The following AFF2 variants were observed in gnomAD, a reference collection of about 807,000 sequenced individuals.
AFF2 encodes AF4/FMR2 family member 2.
Under a neutral mutation model 76.9 loss-of-function variants are expected in AFF2, and 14 were observed. The ratio of observed to expected loss-of-function variants is 0.18; its 90% CI spans 0.12 to 0.28. The LOEUF (loss-of-function observed/expected upper bound fraction) is 0.28, where lower values mean the gene tolerates loss of function less well. Among genes scored for constraint, AFF2 ranks in the 10% least tolerant of loss-of-function variants. The probability of loss-of-function intolerance (pLI) is 1.00; values close to 1 mark genes in which losing one functional copy is unlikely to be tolerated. For synonymous variants in AFF2, 398 were observed against 366.7 expected, an observed-to-expected ratio of 1.09 and a Z score of -0.98; for missense variants, 868 against 1,001.1, an observed-to-expected ratio of 0.87 and a Z score of 1.79.
intron 3 of AFF2, among the ~76,000 whole-genome samples, chrX:148,745,988 C>T (rs1557266050): frequency 9.0e-6 from 1 of 111,349 alleles, no homozygotes; most frequent in Admixed American, 9.6e-5. Context: ...AGTGATCCAC[C>T]CGCCTCAGCC....
intron 7 of AFF2, among the ~76,000 whole-genome samples, chrX:148,879,934 C>G (rs1296278362): frequency 8.9e-6 from 1 of 111,909 alleles, no homozygotes; most frequent in Non-Finnish European, 1.9e-5. Flanking sequence ...TATGAAATAC[C>G]TATTTTCTGA....
At chrX:148,968,001 T>G (rs1218936283) in intron 15 of AFF2, among the ~76,000 whole-genome samples, 1 of 111,826 alleles carries the variant, frequency 8.9e-6, no homozygotes, top group African/African-American at 3.3e-5. Flanking sequence ...CTTATGAAAC[T>G]TCCCTGGAAA....
chrX:148,685,615 A>G (rs138275454), intron 3 of AFF2, among the ~76,000 whole-genome samples: 1,337 of 111,810 alleles, frequency 0.012, 23 homozygotes, highest in African/African-American at 0.042. Context: ...ATTCTTATAC[A>G]TAATAAACAA....
chrX:148,958,416 G>A lies in AFF2; in HGVS notation c.2648G>A (p.Cys883Tyr). 8.3e-7 allele frequency: 1 copy of A among 1,210,906 alleles called. No homozygotes were observed. Among genetic ancestry groups the A allele is most frequent in the Non-Finnish European group, 1.1e-6 (1 of 895,037 alleles). ...ACAACTATCTGCTTGCTCCCTCCTT[G>A]CATCTCACCAGCCCCACCCCACAAG... is the stretch of plus-strand genomic sequence containing the variant. ...EATTICLLPP[C>Y]ISPAPPHKPP... is the part of the protein sequence containing the mutation. Residue 883 changes from cysteine to tyrosine, a missense_variant, in exon 12 of 21, where the codon TGC becomes TAC. Around this residue, in one of 6 missense-constraint regions of AFF2, gnomAD observed 532 missense variants for 564.2 expected, o/e 0.94. Coordinates refer to ENST00000370460, the MANE Select transcript of AFF2 (RefSeq NM_002025.4).
chrX:148,555,111 T>C (rs1557239501), intron 1 of AFF2, among the ~76,000 whole-genome samples: 1 of 112,294 alleles, frequency 8.9e-6, no homozygotes, highest in Non-Finnish European at 1.9e-5. Context: ...GGATCGCTTC[T>C]GTGTTTCACA....
intron 1 of AFF2, among the ~76,000 whole-genome samples, chrX:148,570,633 T>A (rs185609994): frequency 3.9e-4 from 43 of 111,432 alleles, no homozygotes; most frequent in African/African-American, 1.3e-3. Flanking sequence ...CTGGAGCTGC[T>A]GAAACAAAAC....
chrX:148,761,985 A>G (rs1179368680), intron 3 of AFF2, among the ~76,000 whole-genome samples: 1 of 108,986 alleles, frequency 9.2e-6, no homozygotes, highest in Non-Finnish European at 1.9e-5. Context: ...ATATAGATAT[A>G]GATATAGATA....
At chrX:148,956,647 T>G (rs1390723675) in intron 11 of AFF2, 34 bp downstream of exon 11, 9 of 1,151,505 alleles carry the variant, frequency 7.8e-6, no homozygotes, top group Non-Finnish European at 1.0e-5. Context: ...CAAGTGCTTG[T>G]GAGCAGTGTC....
At chrX:148,836,472 T>C (rs2070527330) in intron 4 of AFF2, among the ~76,000 whole-genome samples, 1 of 111,696 alleles carries the variant, frequency 9.0e-6, no homozygotes, top group African/African-American at 3.3e-5. Context: ...TGACTAATTA[T>C]GTTACTTATA....
intron 16 of AFF2, among the ~76,000 whole-genome samples, chrX:148,974,411 TTGAG>T (rs1260704822): frequency 5.4e-5 from 6 of 111,623 alleles, no homozygotes; most frequent in East Asian, 2.8e-4. Flanking sequence ...TTTTGATTGA[TTGAG>T]TAAGCAGTTT....
At chrX:148,964,599 G>A (rs2072149747) in intron 13 of AFF2, among the ~76,000 whole-genome samples, 1 of 111,816 alleles carries the variant, frequency 8.9e-6, no homozygotes, top group Non-Finnish European at 1.9e-5. Context: ...TAAATTCATA[G>A]AGACAGACAG....
At chrX:148,560,436 G>A (rs782591751) in intron 1 of AFF2, among the ~76,000 whole-genome samples, 1 of 111,966 alleles carries the variant, frequency 8.9e-6, no homozygotes, top group Non-Finnish European at 1.9e-5. Flanking sequence ...AACCCTAGAA[G>A]AAAACCTAGG....
At chrX:148,559,449 G>A (rs1557240153) in intron 1 of AFF2, among the ~76,000 whole-genome samples, 1 of 110,554 alleles carries the variant, frequency 9.0e-6, no homozygotes, top group Middle Eastern at 4.2e-3. Context: ...GACAGGCCCT[G>A]GTGTGTGATG....
intron 3 of AFF2, among the ~76,000 whole-genome samples, chrX:148,749,682 T>C (rs902112301): frequency 8.1e-5 from 9 of 110,557 alleles, no homozygotes; most frequent in East Asian, 2.8e-4. Flanking sequence ...CCCACTTGGA[T>C]TGACCCCAGA....
chrX:148,936,547 G>A (rs1196652432), intron 9 of AFF2, among the ~76,000 whole-genome samples: 2 of 112,597 alleles, frequency 1.8e-5, no homozygotes, highest in East Asian at 5.6e-4. Context: ...TGGTGAATTG[G>A]AATGTCTCCT....
At chrX:148,696,187 A>C (rs1354962281) in intron 3 of AFF2, among the ~76,000 whole-genome samples, 2 of 110,667 alleles carry the variant, frequency 1.8e-5, no homozygotes, top group African/African-American at 6.6e-5. Flanking sequence ...GTTTCAGTTC[A>C]AGGGCCTAGG....
At chrX:148,723,919 CTT>C (rs782084454) in intron 3 of AFF2, among the ~76,000 whole-genome samples, 12 of 84,514 alleles carry the variant, frequency 1.4e-4, no homozygotes, top group Non-Finnish European at 1.4e-4. Context: ...TTTCTTTTTT[CTT>C]TTTTTTTTTT....
At chrX:148,643,734 G>C (rs1242339928) in intron 1 of AFF2, among the ~76,000 whole-genome samples, 4 of 111,383 alleles carry the variant, frequency 3.6e-5, no homozygotes, top group Non-Finnish European at 7.5e-5. Context: ...ACATTCCATA[G>C]TTGTAAAGGG....
intron 1 of AFF2, among the ~76,000 whole-genome samples, chrX:148,646,176 A>G (rs1354847016): frequency 4.4e-5 from 4 of 91,261 alleles, no homozygotes; most frequent in African/African-American, 1.6e-4. Flanking sequence ...AAGTGTACAG[A>G]GCCTCTTTTT....
Sources: gnomAD v4.1 joint callset for allele counts (sites outside exome capture counted in the v4.1 genomes callset) on GRCh38, gnomAD v4.1.1 for gene constraint, gnomAD v4.1.1 regional missense constraint, MANE v1.5 for transcripts, NCBI Gene and HGNC (gene_info 2026-07-23, HGNC 2026-07-21) for gene names.